Variants in INPP4A observed in about 807,000 individuals in gnomAD.
INPP4A encodes the protein inositol polyphosphate-4-phosphatase type I A, also known as inositol polyphosphate-4-phosphatase, type I, 107kD.
In INPP4A, 33 loss-of-function variants were observed where a neutral mutation model predicts 119.8. That is an observed-to-expected ratio of 0.28 (90% CI 0.21 to 0.37). INPP4A has a LOEUF of 0.37. Among genes scored for constraint, INPP4A ranks in the 10% least tolerant of loss-of-function variants. The pLI, the probability that INPP4A is intolerant of heterozygous loss-of-function variation, is 1.00. For synonymous variants in INPP4A, 496 were observed against 500.7 expected, an observed-to-expected ratio of 0.99 and a Z score of 0.12; for missense variants, 956 against 1,289.9, an observed-to-expected ratio of 0.74 and a Z score of 3.97.
In INPP4A at chr2:98,570,802, C is replaced by T. The variant is rs1697311630; in HGVS notation, c.2519-2013C>T. ...GCTCAGGTTGGGCAGCCTCAGTCTC[C>T]CCAGTAAAACAGGTGTTCTTGTCCT... is the stretch of plus-strand genomic sequence containing the variant. On this transcript the variant is annotated intron_variant, in intron 22 of 24. Coordinates refer to ENST00000409851, the MANE Select transcript of INPP4A (RefSeq NM_001134225.2). The surrounding 1 kb of genome is among the most constrained non-coding windows in gnomAD (Gnocchi z 4.3). Among the ~76,000 whole-genome samples the T allele has an allele frequency of 6.6e-6, 1 of 152,088 alleles. No homozygotes were observed. The highest frequency in any genetic ancestry group is 2.4e-5 in the African/African-American group (1 of 41,390).
chr2:98,553,751 A>G (rs954702214), intron 14 of INPP4A, among the ~76,000 whole-genome samples: 7 of 152,266 alleles, frequency 4.6e-5, no homozygotes, highest in Non-Finnish European at 1.0e-4. Flanking sequence ...CAGCAGTAAC[A>G]TTATGAACCA....
chr2:98,465,316 C>T (rs1164877713), intron 1 of INPP4A, among the ~76,000 whole-genome samples: 1 of 152,184 alleles, frequency 6.6e-6, no homozygotes, highest in East Asian at 1.9e-4. Flanking sequence ...ATCTTCTCTC[C>T]GTGACTCCGC....
chr2:98,574,469 C>T (rs1274264711), intron 23 of INPP4A, among the ~76,000 whole-genome samples: 1 of 152,084 alleles, frequency 6.6e-6, no homozygotes, highest in Non-Finnish European at 1.5e-5. Context: ...GAAACCCCAT[C>T]TCTACTAAAA....
Position 98,549,114 on chromosome 2 carries a change from C to T in INPP4A, c.1163+2420C>T, listed in dbSNP as rs77761663. 925 of 654,420 alleles carry T rather than the reference C, an allele frequency of 1.4e-3. 28 individuals are homozygous for T. The East Asian group carries it at 0.023, about 16-fold the overall frequency. 40.5% of individuals were successfully genotyped at this position (654,420 alleles called of 1,614,324 possible). The stretch of plus-strand genomic sequence containing the variant: ...GTTATACACCTCATAAACAGTCCTC[C>T]CTTCCAACTGCAATGTTCTTTAATA... On this transcript the variant is annotated intron_variant, in intron 13 of 24. Transcript: ENST00000409851.
In INPP4A at chr2:98,538,976, A is replaced by G. The variant is rs1298629080; in HGVS notation, c.665A>G (p.Lys222Arg). 1.2e-6 allele frequency: 2 copies of G among 1,601,518 alleles called. No homozygotes were observed. Among genetic ancestry groups the G allele is most frequent in the Non-Finnish European group, 1.7e-6 (2 of 1,170,732 alleles). Reference protein sequence around the residue: ...YASLRKDTLLKSVFGGAICRM... With the variant: ...YASLRKDTLLRSVFGGAICRM... ...TCATTGCGAAAGGACACTTTGCTGA[A>G]ATCGGGTAAACAGCTTCCTCCTTTG... Residue 222 changes from lysine to arginine, a missense_variant, in exon 9 of 25, where the codon AAA (lysine) becomes AGA (arginine). Coordinates refer to ENST00000409851, the MANE Select transcript of INPP4A (RefSeq NM_001134225.2).
chr2:98,554,208 A>T lies in INPP4A; in HGVS notation c.1348-63A>T. 1.5e-6 allele frequency: 2 copies of T among 1,292,420 alleles called. No individual in the cohort carries two copies. Among genetic ancestry groups the T allele is most frequent in the South Asian group, 2.7e-5 (2 of 72,918 alleles). 80.1% of individuals were successfully genotyped at this position (1,292,420 alleles called of 1,614,324 possible). On this transcript the variant is annotated intron_variant, in intron 14 of 24. Coordinates refer to ENST00000409851, the MANE Select transcript of INPP4A (RefSeq NM_001134225.2). This position sits in a 1 kb window ranked among gnomAD's most constrained non-coding sequence, Gnocchi z 4.7. ...TAAGCCCATTCTCCATTTCTGAGAT[A>T]AGGCAGGGGCCTCCCCAGCCCCTGG...
chr2:98,509,020 A>C (rs1226346298), intron 1 of INPP4A, among the ~76,000 whole-genome samples: 2 of 152,208 alleles, frequency 1.3e-5, no homozygotes, highest in African/African-American at 2.4e-5. Context: ...TGGAAAGGAC[A>C]GAGTAGCAAG....
At chr2:98,510,783 G>T (rs894045472) in intron 1 of INPP4A, among the ~76,000 whole-genome samples, 1 of 152,184 alleles carries the variant, frequency 6.6e-6, no homozygotes, top group African/African-American at 2.4e-5. Flanking sequence ...TGGAGTCTGG[G>T]ATGTGCATTT....
In INPP4A at chr2:98,457,978, A is replaced by T. The variant is rs1027731983; in HGVS notation, c.-166+12893A>T. Among the ~76,000 whole-genome samples the T allele has an allele frequency of 6.8e-4, 93 of 137,164 alleles. 1 individual carries two copies. Among genetic ancestry groups the T allele is most frequent in the East Asian group, 5.5e-3 (26 of 4,734 alleles). The allele number at this position is 137,164 out of a possible 152,430, so 90.0% of individuals were successfully genotyped here. A position where few individuals can be genotyped will look rare whatever the true frequency, so the allele number is the denominator to read the frequency against. ...ACTGTGCCCAGCTAATTAAACAAAA[A>T]TTTTTTTTTTTTTTTTTTTTTGTTT... On this transcript the variant is annotated intron_variant, in intron 1 of 24. Coordinates refer to ENST00000409851, the MANE Select transcript of INPP4A (RefSeq NM_001134225.2).
chr2:98,500,176 G>C lies in INPP4A; in HGVS notation c.-165-18788G>C, dbSNP rs1164021869. 2.6e-5 allele frequency among the ~76,000 whole-genome samples: 4 copies of C among 152,210 alleles called. No individual in the cohort carries two copies. In the East Asian group the frequency reaches 7.8e-4, roughly 30 times the overall value. ...TTAACTTAGTAACTTGTGGTATACA[G>C]AGTCCTCACGCATGCTTTCTTACTT... On this transcript the variant is annotated intron_variant, in intron 1 of 24. Transcript: ENST00000409851.
chr2:98,565,102 C>T (rs1696190287), intron 19 of INPP4A, among the ~76,000 whole-genome samples: 1 of 152,202 alleles, frequency 6.6e-6, no homozygotes, highest in Non-Finnish European at 1.5e-5. Context: ...GTTGCTGGGT[C>T]AGAGGGTAGG....
At chr2:98,516,426 T>A (rs1686137064) in intron 1 of INPP4A, among the ~76,000 whole-genome samples, 2 of 151,966 alleles carry the variant, frequency 1.3e-5, no homozygotes, top group Non-Finnish European at 2.9e-5. Context: ...TAAACCACCC[T>A]CCTAAGGGCA....
intron 1 of INPP4A, among the ~76,000 whole-genome samples, chr2:98,496,322 G>A (rs533333147): frequency 4.1e-4 from 62 of 152,240 alleles, no homozygotes; most frequent in African/African-American, 1.2e-3. Context: ...GGATATCCAC[G>A]TACAGAAGAA....
chr2:98,565,541 T>G (rs1252785408), intron 19 of INPP4A, 99 bp from the exon 20 acceptor site: 1 of 1,359,666 alleles, frequency 7.4e-7, no homozygotes, highest in African/African-American at 1.5e-5. Context: ...CCTGCACCCC[T>G]CCTGTCACAG....
intron 4 of INPP4A, among the ~76,000 whole-genome samples, chr2:98,529,350 T>G (rs1244151149): frequency 3.3e-5 from 5 of 152,076 alleles, no homozygotes; most frequent in Non-Finnish European, 5.9e-5. Context: ...GACCAGTGAA[T>G]GGGGGTAATG....
At chr2:98,517,174 G>A (rs1437130399) in intron 1 of INPP4A, among the ~76,000 whole-genome samples, 1 of 152,128 alleles carries the variant, frequency 6.6e-6, no homozygotes, top group African/African-American at 2.4e-5. Flanking sequence ...CTTGAACTTC[G>A]TATGAATGGA....
intron 24 of INPP4A, chr2:98,581,627 C>T (rs902693799): frequency 1.3e-6 from 2 of 1,573,278 alleles, no homozygotes; most frequent in Non-Finnish European, 1.7e-6. Context: ...GCCTGGTGCC[C>T]ATCCGAGACT....
At position 98,569,379 on chromosome 2, in the gene INPP4A, G is replaced by T. The variant is rs1287892911; in HGVS notation, c.2518+711G>T. The stretch of plus-strand genomic sequence containing the variant: ...GTGCCGGCCTCTCTGTGCAGGCGCT[G>T]CCACAGCCACTAGGGGGCGCCACGC... On this transcript the variant is annotated intron_variant, in intron 22 of 24. Transcript: ENST00000409851. The surrounding 1 kb of genome is among the most constrained non-coding windows in gnomAD (Gnocchi z 5.1). 6.6e-6 allele frequency: 1 copy of T among 152,334 alleles called. No individual in the cohort carries two copies. Among genetic ancestry groups the T allele is most frequent in the Non-Finnish European group, 1.5e-5 (1 of 68,164 alleles). 9.4% of individuals were successfully genotyped at this position (152,334 alleles called of 1,614,324 possible).
intron 24 of INPP4A, among the ~76,000 whole-genome samples, chr2:98,579,116 A>G (rs1039933701): frequency 1.8e-4 from 27 of 150,136 alleles, no homozygotes; most frequent in African/African-American, 6.2e-4. Context: ...GCAATGGTGC[A>G]GTCTTGGCTC....
Sources: gnomAD v4.1 joint callset for allele counts (sites outside exome capture counted in the v4.1 genomes callset) on GRCh38, gnomAD v4.1.1 for gene constraint, Gnocchi (gnomAD v3.1) non-coding constraint, MANE v1.5 for transcripts, NCBI Gene and HGNC (gene_info 2026-07-23, HGNC 2026-07-21) for gene names.